The following NRXN1 variants were observed in gnomAD, a reference collection of about 807,000 sequenced individuals.
The protein encoded by NRXN1 is neurexin 1, also known as neurexin-1.
NRXN1 carries 39 observed loss-of-function variants against 150.9 expected under a neutral mutation model. The ratio of observed to expected loss-of-function variants is 0.26; its 90% CI spans 0.20 to 0.34. NRXN1 has a LOEUF of 0.34. NRXN1 is among the 10% of genes least tolerant of loss of function. The probability of loss-of-function intolerance (pLI) is 1.00; values close to 1 mark genes in which losing one functional copy is unlikely to be tolerated. For synonymous variants in NRXN1, 924 were observed against 757.0 expected (o/e 1.22, Z -3.62); for missense variants, 1,815 against 1,949.9 (o/e 0.93, Z 1.30).
intron 21 of NRXN1, among the ~76,000 whole-genome samples, chr2:50,008,910 A>G (rs1454316719): frequency 6.6e-6 from 1 of 152,152 alleles, no homozygotes; most frequent in Non-Finnish European, 1.5e-5. Context: ...AGAGGGTGTT[A>G]TCAATGTTAA....
chr2:50,421,283 T>A (rs2104255739), intron 17 of NRXN1, among the ~76,000 whole-genome samples: 1 of 150,984 alleles, frequency 6.6e-6, no homozygotes, highest in South Asian at 2.1e-4. Context: ...ATTTCAAAAC[T>A]GTTGTATGCA....
intron 5 of NRXN1, among the ~76,000 whole-genome samples, chr2:50,696,456 C>G (rs1462178349): frequency 6.6e-6 from 1 of 152,130 alleles, no homozygotes; most frequent in African/African-American, 2.4e-5. Context: ...ACATGCTTCT[C>G]CTCTAAGCTA....
chr2:50,227,265 T>C (rs1574607774), intron 18 of NRXN1, among the ~76,000 whole-genome samples: 1 of 152,170 alleles, frequency 6.6e-6, no homozygotes, highest in East Asian at 1.9e-4. Flanking sequence ...TGTCCGTGTC[T>C]ATAATTTTAA....
intron 2 of NRXN1, among the ~76,000 whole-genome samples, chr2:50,969,309 A>T (rs1433779241): frequency 6.6e-6 from 1 of 152,120 alleles, no homozygotes; most frequent in Non-Finnish European, 1.5e-5. Context: ...CTTCATTTCC[A>T]GTCTAGAACA....
intron 17 of NRXN1, among the ~76,000 whole-genome samples, chr2:50,432,791 A>G (rs576409241): frequency 8.0e-4 from 122 of 152,322 alleles, no homozygotes; most frequent in African/African-American, 2.8e-3. Context: ...TTCTCTTTGT[A>G]CAAAATTCCT....
chr2:50,967,833 G>A (rs746798719), intron 2 of NRXN1, among the ~76,000 whole-genome samples: 3 of 151,836 alleles, frequency 2.0e-5, no homozygotes, highest in Non-Finnish European at 4.4e-5. Flanking sequence ...TGATGAGTCT[G>A]TGTTATTTCT....
At chr2:50,966,974 T>C (rs1694208541) in intron 2 of NRXN1, among the ~76,000 whole-genome samples, 2 of 152,068 alleles carry the variant, frequency 1.3e-5, no homozygotes, top group South Asian at 4.1e-4. Flanking sequence ...GCAAATAATC[T>C]TTCACTATCC....
chr2:50,400,099 G>A (rs899007626), intron 17 of NRXN1, among the ~76,000 whole-genome samples: 15 of 151,914 alleles, frequency 9.9e-5, no homozygotes, highest in Non-Finnish European at 2.2e-4. Flanking sequence ...AACTGTACTT[G>A]GTTCCTCTAC....
intron 19 of NRXN1, among the ~76,000 whole-genome samples, chr2:50,072,610 A>T (rs888603434): frequency 6.7e-6 from 1 of 149,156 alleles, no homozygotes; most frequent in Admixed American, 6.6e-5. Context: ...GGCAAAAAAA[A>T]AAATAAAACA....
At chr2:50,343,658 C>T (rs564872987) in intron 17 of NRXN1, among the ~76,000 whole-genome samples, 34 of 152,304 alleles carry the variant, frequency 2.2e-4, no homozygotes, top group Admixed American at 7.2e-4. Flanking sequence ...GCTCTCTGCG[C>T]CCTGCAAACC....
At chr2:50,062,098 G>A (rs935992778) in intron 19 of NRXN1, among the ~76,000 whole-genome samples, 1 of 151,972 alleles carries the variant, frequency 6.6e-6, no homozygotes, top group Non-Finnish European at 1.5e-5. Flanking sequence ...AAAATCTGAT[G>A]GCTTATATTT....
At chr2:50,776,023 A>T (rs909791791) in intron 5 of NRXN1, among the ~76,000 whole-genome samples, 2 of 152,112 alleles carry the variant, frequency 1.3e-5, no homozygotes, top group African/African-American at 2.4e-5. Flanking sequence ...CCAATATATT[A>T]CTGTGGACCC....
At chr2:50,721,949 T>G (rs559802480) in intron 5 of NRXN1, among the ~76,000 whole-genome samples, 1 of 152,174 alleles carries the variant, frequency 6.6e-6, no homozygotes, top group Non-Finnish European at 1.5e-5. Context: ...CAGAGTTGAA[T>G]TGTGATTTTT....
At chr2:50,368,564 G>C (rs893013361) in intron 17 of NRXN1, among the ~76,000 whole-genome samples, 3 of 151,884 alleles carry the variant, frequency 2.0e-5, no homozygotes, top group Admixed American at 1.3e-4. Flanking sequence ...AGGTATGTTG[G>C]ACATGCCATG....
At chr2:50,469,060 A>G (rs1230284502) in intron 16 of NRXN1, among the ~76,000 whole-genome samples, 1 of 151,588 alleles carries the variant, frequency 6.6e-6, no homozygotes, top group African/African-American at 2.4e-5. Flanking sequence ...ACATAAACAG[A>G]AAAAAGCCAT....
intron 5 of NRXN1, among the ~76,000 whole-genome samples, chr2:50,901,750 G>C (rs1286336554): frequency 2.0e-5 from 3 of 152,120 alleles, no homozygotes; most frequent in African/African-American, 7.2e-5. Context: ...ATCAAAAACA[G>C]ACTAAACAAC....
intron 17 of NRXN1, among the ~76,000 whole-genome samples, chr2:50,392,445 T>C (rs6744028): frequency 0.018 from 2,727 of 152,242 alleles, 85 homozygotes; most frequent in African/African-American, 0.06. Context: ...AGAAGAGGAA[T>C]AGAAATGTCA....
At chr2:50,742,713 A>G (rs1056668296) in intron 5 of NRXN1, among the ~76,000 whole-genome samples, 4 of 152,160 alleles carry the variant, frequency 2.6e-5, no homozygotes, top group Non-Finnish European at 5.9e-5. Context: ...GCATCATAAT[A>G]CTACTCACCT....
intron 5 of NRXN1, among the ~76,000 whole-genome samples, chr2:50,797,345 G>A (rs1706978307): frequency 1.3e-5 from 2 of 151,990 alleles, no homozygotes; most frequent in African/African-American, 4.8e-5. Flanking sequence ...TGGAGATATT[G>A]CTCCCCAGGA....
Sources: allele counts gnomAD v4.1 joint callset (sites outside exome capture counted in the v4.1 genomes callset), GRCh38; gene constraint gnomAD v4.1.1; transcripts MANE v1.5; gene names NCBI Gene and HGNC (gene_info 2026-07-23, HGNC 2026-07-21).